CNTNAP2: variants seen among roughly 807,000 people sequenced by gnomAD.
The protein encoded by CNTNAP2 is contactin-associated protein-like 2.
Under a neutral mutation model 155.2 loss-of-function variants are expected in CNTNAP2, and 98 were observed. The observed-to-expected ratio is 0.63, with a 90% CI of 0.54 to 0.75. The LOEUF (loss-of-function observed/expected upper bound fraction) is 0.75. Among genes scored for constraint, CNTNAP2 ranks in the 30% least tolerant of loss-of-function variants. The pLI is 0.00. For synonymous variants in CNTNAP2, 651 were observed against 631.2 expected, an observed-to-expected ratio of 1.03 and a Z score of -0.47; for missense variants, 1,727 against 1,688.1, an observed-to-expected ratio of 1.02 and a Z score of -0.40.
chr7:146,904,662 G>A (rs1299187537), intron 3 of CNTNAP2, among the ~76,000 whole-genome samples: 1 of 152,064 alleles, frequency 6.6e-6, no homozygotes, highest in African/African-American at 2.4e-5. Context: ...TAGTAGAGAC[G>A]GGGTTTCACT....
intron 3 of CNTNAP2, among the ~76,000 whole-genome samples, chr7:146,924,352 C>T (rs1796563761): frequency 6.6e-6 from 1 of 152,092 alleles, no homozygotes. Context: ...AGTCTTAATG[C>T]TGTTGGACTC....
chr7:146,428,276 G>A (rs1018538129), intron 1 of CNTNAP2, among the ~76,000 whole-genome samples: 4 of 152,096 alleles, frequency 2.6e-5, no homozygotes, highest in Non-Finnish European at 5.9e-5. Context: ...TGGGACTGCT[G>A]GGTCAAATGG....
At chr7:146,296,847 T>G (rs536931860) in intron 1 of CNTNAP2, among the ~76,000 whole-genome samples, 1 of 152,270 alleles carries the variant, frequency 6.6e-6, no homozygotes, top group South Asian at 2.1e-4. Flanking sequence ...TATATATGTA[T>G]GAAGACTTAA....
intron 14 of CNTNAP2, among the ~76,000 whole-genome samples, chr7:147,977,433 T>C (rs10808048): frequency 0.46 from 70,068 of 151,790 alleles, 16,787 homozygotes; most frequent in East Asian, 0.75. Context: ...TCATGTACAA[T>C]AGGGAAGAAA....
At chr7:146,740,273 T>C (rs1199556277) in intron 1 of CNTNAP2, among the ~76,000 whole-genome samples, 1 of 151,758 alleles carries the variant, frequency 6.6e-6, no homozygotes, top group African/African-American at 2.4e-5. Context: ...ATTGTATTTT[T>C]CAGCTCCAGG....
At chr7:147,710,810 A>C (rs1323068735) in intron 13 of CNTNAP2, among the ~76,000 whole-genome samples, 3 of 152,176 alleles carry the variant, frequency 2.0e-5, no homozygotes, top group African/African-American at 7.2e-5. Flanking sequence ...GCTAAAAAGT[A>C]GGTTTAACTG....
chr7:146,262,331 C>A (rs1223913641), intron 1 of CNTNAP2, among the ~76,000 whole-genome samples: 1 of 152,154 alleles, frequency 6.6e-6, no homozygotes, highest in African/African-American at 2.4e-5. Flanking sequence ...CCCTCAATTG[C>A]ACGTTAGACA....
At chr7:147,797,327 A>G (rs1797913266) in intron 13 of CNTNAP2, among the ~76,000 whole-genome samples, 1 of 152,162 alleles carries the variant, frequency 6.6e-6, no homozygotes, top group Admixed American at 6.5e-5. Flanking sequence ...TGTTTCATGA[A>G]TACCTGTTTA....
chr7:147,942,839 C>T (rs562263068), intron 14 of CNTNAP2, among the ~76,000 whole-genome samples: 24 of 152,132 alleles, frequency 1.6e-4, no homozygotes, highest in African/African-American at 5.5e-4. Context: ...AGATCGAGAC[C>T]ATCCTGGCTA....
intron 1 of CNTNAP2, among the ~76,000 whole-genome samples, chr7:146,305,171 C>G (rs1800686714): frequency 6.6e-6 from 1 of 152,090 alleles, no homozygotes; most frequent in South Asian, 2.1e-4. Context: ...AGCCATTTGT[C>G]TAATCCTTTT....
intron 13 of CNTNAP2, among the ~76,000 whole-genome samples, chr7:147,785,132 G>A (rs1393533500): frequency 6.6e-6 from 1 of 152,164 alleles, no homozygotes; most frequent in Non-Finnish European, 1.5e-5. Context: ...GTCTTGATGA[G>A]ACATAAATTT....
At chr7:146,477,108 A>C (rs1796888831) in intron 1 of CNTNAP2, among the ~76,000 whole-genome samples, 1 of 152,214 alleles carries the variant, frequency 6.6e-6, no homozygotes, top group Admixed American at 6.5e-5. Context: ...GAAAGTTTTC[A>C]ATTAGTTAAT....
intron 1 of CNTNAP2, among the ~76,000 whole-genome samples, chr7:146,395,381 T>C (rs1371341406): frequency 1.3e-5 from 2 of 152,168 alleles, no homozygotes; most frequent in African/African-American, 4.8e-5. Flanking sequence ...TTATTCTTGA[T>C]TTCAAATAAG....
rs187714890 is a variant in CNTNAP2, at chr7:147,048,343, G to A, written c.550+4289G>A. Among the ~76,000 whole-genome samples the A allele has an allele frequency of 3.6e-4, 54 of 151,630 alleles. No homozygotes were observed. The East Asian group carries it at 0.01, about 29-fold the overall frequency. The stretch of plus-strand genomic sequence containing the variant: ...TGTAGTGATATGGCGATAAGCCAAG[G>A]AAGGCCAGCAGCTCAAAAGGCAGAT... On this transcript the variant is annotated intron_variant, in intron 4 of 23. Coordinates refer to ENST00000361727, the MANE Select transcript of CNTNAP2 (RefSeq NM_014141.6).
chr7:147,168,243 A>G (rs10265318), intron 8 of CNTNAP2, among the ~76,000 whole-genome samples: 8,610 of 151,252 alleles, frequency 0.057, 296 homozygotes, highest in African/African-American at 0.094. Flanking sequence ...AAATTTGTGT[A>G]TATAAAATAT....
chr7:146,955,934 G>T (rs559758494), intron 3 of CNTNAP2, among the ~76,000 whole-genome samples: 2 of 151,998 alleles, frequency 1.3e-5, no homozygotes, highest in South Asian at 4.1e-4. Context: ...TTGATAATTC[G>T]CATCTTGTAG....
chr7:147,360,634 T>G (rs1796133190), intron 9 of CNTNAP2, among the ~76,000 whole-genome samples: 1 of 152,082 alleles, frequency 6.6e-6, no homozygotes, highest in Non-Finnish European at 1.5e-5. Context: ...TAAATATTTC[T>G]TTTGAAAAAA....
intron 3 of CNTNAP2, among the ~76,000 whole-genome samples, chr7:147,037,644 G>A (rs971537995): frequency 6.6e-6 from 1 of 151,716 alleles, no homozygotes; most frequent in African/African-American, 2.4e-5. Context: ...TGTATTTTTG[G>A]CAGAGACGGG....
intron 23 of CNTNAP2, among the ~76,000 whole-genome samples, chr7:148,413,723 C>G (rs1799909038): frequency 6.6e-6 from 1 of 151,876 alleles, no homozygotes; most frequent in South Asian, 2.1e-4. Context: ...ACCAGTTCTG[C>G]CCGTTTTTGC....
Sources: allele counts gnomAD v4.1 joint callset (sites outside exome capture counted in the v4.1 genomes callset), GRCh38; gene constraint gnomAD v4.1.1; transcripts MANE v1.5; gene names NCBI Gene and HGNC (gene_info 2026-07-23, HGNC 2026-07-21).